STMN1: variants seen among roughly 807,000 people sequenced by gnomAD.
The protein encoded by STMN1 is stathmin.
Under a neutral mutation model 19.7 loss-of-function variants are expected in STMN1, and 3 were observed. The observed-to-expected ratio is 0.15, with a 90% confidence interval of 0.07 to 0.39. The LOEUF (loss-of-function observed/expected upper bound fraction) is 0.39. STMN1 is among the 10% of genes least tolerant of loss of function. The pLI is 1.00. For synonymous variants in STMN1, 59 were observed against 58.9 expected, an observed-to-expected ratio of 1.00 and a Z score of -0.01; for missense variants, 99 against 176.0, an observed-to-expected ratio of 0.56 and a Z score of 2.48.
At chr1:25,901,377 C>A in intron 4 of STMN1, 114 bp downstream of exon 4, 1 of 1,337,448 alleles carries the variant, frequency 7.5e-7, no homozygotes, top group Non-Finnish European at 1.0e-6. Flanking sequence ...ATGTTAAGCC[C>A]CAAAATGGAT....
At chr1:25,891,890 A>G (rs2048779163) in intron 4 of STMN1, among the ~76,000 whole-genome samples, 1 of 152,156 alleles carries the variant, frequency 6.6e-6, no homozygotes, top group African/African-American at 2.4e-5. Flanking sequence ...GGGAGGGGCC[A>G]GCCCTGTGCT....
downstream of STMN1, among the ~76,000 whole-genome samples, chr1:25,896,932 A>G (rs982050139): frequency 9.9e-5 from 15 of 152,168 alleles, no homozygotes; most frequent in African/African-American, 3.1e-4. Context: ...CTGCAATCCA[A>G]CCCTGTAGAG....
downstream of STMN1, among the ~76,000 whole-genome samples, chr1:25,898,710 C>G (rs1380135993): frequency 6.6e-6 from 1 of 152,214 alleles, no homozygotes; most frequent in Non-Finnish European, 1.5e-5. Flanking sequence ...GGTGACAGCC[C>G]CAACTGCTTG....
chr1:25,895,563 G>A (rs1333294044), downstream of STMN1, among the ~76,000 whole-genome samples: 3 of 152,204 alleles, frequency 2.0e-5, no homozygotes, highest in African/African-American at 7.2e-5. Flanking sequence ...GAGAGCTGCA[G>A]AACACAAGTC....
rs1225152340 is a variant in STMN1 at position 25,906,108 on chromosome 1, C to T, written c.-63+281G>A. 6.6e-6 allele frequency: 1 copy of T among 152,216 alleles called. No individual in the cohort carries two copies. Among genetic ancestry groups the T allele is most frequent in the South Asian group, 2.1e-4 (1 of 4,830 alleles). 9.4% of individuals were successfully genotyped at this position (152,216 alleles called of 1,614,324 possible). A position where few individuals can be genotyped will look rare whatever the true frequency, so the allele number is the denominator to read the frequency against. On this transcript the variant is annotated intron_variant, in intron 1 of 4. Coordinates refer to ENST00000455785, the MANE Select transcript of STMN1 (RefSeq NM_005563.4). This position sits in a 1 kb window ranked among gnomAD's most constrained non-coding sequence, Gnocchi z 4.5. The stretch of plus-strand genomic sequence containing the variant: ...GAGGGAGGTAAACGAGGGCCCACGC[C>T]CCCTATTGTCTCCTCGACGGCACCC...
chr1:25,885,345 T>C (rs781095853), downstream of STMN1: 30 of 161,304 alleles, frequency 1.9e-4, no homozygotes, highest in Admixed American at 9.7e-4. Context: ...CTCCCTTGTG[T>C]AGGGTCCTTC....
downstream of STMN1, among the ~76,000 whole-genome samples, chr1:25,896,474 A>G (rs543485531): frequency 6.6e-6 from 1 of 152,048 alleles, no homozygotes; most frequent in Non-Finnish European, 1.5e-5. Flanking sequence ...GATGGCTGCT[A>G]TGAGGTAGCT....
intron 4 of STMN1, among the ~76,000 whole-genome samples, chr1:25,890,773 C>T (rs1040854732): frequency 1.3e-5 from 2 of 152,090 alleles, no homozygotes; most frequent in South Asian, 2.1e-4. Context: ...TCCTGCTAGG[C>T]GAGCGTATCC....
At chr1:25,901,849 A>C in intron 3 of STMN1, 167 bp from the exon 4 acceptor site, 1 of 495,348 alleles carries the variant, frequency 2.0e-6, no homozygotes, top group South Asian at 4.5e-5. Flanking sequence ...ACCTATACTA[A>C]AAATACAAAA....
downstream of STMN1, among the ~76,000 whole-genome samples, chr1:25,899,831 A>G (rs900273554): frequency 1.3e-5 from 2 of 152,200 alleles, no homozygotes; most frequent in Admixed American, 6.5e-5. Flanking sequence ...CGTTAGCAAC[A>G]CATGGACCCC....
chr1:25,890,371 T>G lies in STMN1; in HGVS notation c.379-4502A>C, dbSNP rs759023362. ...CAGGCCTTCTGAAAGGTCAGAGGGC[T>G]CTGCAAAGCTCCAGGAGAGAACAGC... On this transcript the variant is annotated intron_variant, in intron 4 of 4. Transcript: ENST00000426559. 3.4e-4 allele frequency among the ~76,000 whole-genome samples: 52 copies of G among 152,144 alleles called. 1 individual carries two copies. The highest frequency in any genetic ancestry group is 7.1e-4 in the Non-Finnish European group (48 of 68,020).
At chr1:25,901,216 G>T in intron 4 of STMN1, 129 bp from the exon 5 acceptor site, 1 of 1,468,522 alleles carries the variant, frequency 6.8e-7, no homozygotes, top group East Asian at 2.4e-5. Flanking sequence ...ACAGCCTGTG[G>T]GAACCACACA....
downstream of STMN1, among the ~76,000 whole-genome samples, chr1:25,899,602 G>A (rs867380220): frequency 2.0e-5 from 3 of 152,114 alleles, no homozygotes; most frequent in African/African-American, 7.2e-5. Context: ...TCCAACTCAA[G>A]AGTATAAACT....
downstream of STMN1, among the ~76,000 whole-genome samples, chr1:25,898,354 A>G (rs888468179): frequency 6.6e-5 from 10 of 152,226 alleles, no homozygotes; most frequent in Non-Finnish European, 1.0e-4. Flanking sequence ...CAGACCACAA[A>G]GCCCTCTGTG....
chr1:25,885,223 G>C (rs1175231041), downstream of STMN1: 1 of 153,866 alleles, frequency 6.5e-6, no homozygotes, highest in African/African-American at 2.4e-5. Flanking sequence ...ACTCCCACCA[G>C]GGACCTTGCC....
chr1:25,896,053 T>C (rs2048815972), downstream of STMN1, among the ~76,000 whole-genome samples: 1 of 152,242 alleles, frequency 6.6e-6, no homozygotes, highest in South Asian at 2.1e-4. Context: ...TCAGGGACCC[T>C]GTGTTCTAGC....
At chr1:25,897,460 C>T (rs2048829312), downstream of STMN1, among the ~76,000 whole-genome samples, 1 of 152,098 alleles carries the variant, frequency 6.6e-6, no homozygotes, top group Non-Finnish European at 1.5e-5. Context: ...ACAGCTAAAA[C>T]ATCACTGAAA....
At position 25,900,778 on chromosome 1, in the gene STMN1, A is replaced by C; in HGVS notation, c.*238T>G. The C allele has an allele frequency of 7.5e-7, 1 of 1,329,306 alleles. No individual in the cohort carries two copies. The highest frequency in any genetic ancestry group is 1.5e-5 in the African/African-American group (1 of 67,356). 82.3% of individuals were successfully genotyped at this position (1,329,306 alleles called of 1,614,324 possible). On this transcript the variant is annotated 3_prime_UTR_variant, in exon 5 of 5. Coordinates refer to ENST00000455785, the MANE Select transcript of STMN1 (RefSeq NM_005563.4). ...AAGTGTACTGAAGTAGAAAAGATGC[A>C]ACAAGAAAAATAGCTACATTAGAAA...
chr1:25,885,006 T>A, downstream of STMN1: 1 of 153,900 alleles, frequency 6.5e-6, no homozygotes. Context: ...GTGAAGTCTG[T>A]AAGTGGTTGT....
Sources: allele counts gnomAD v4.1 joint callset (sites outside exome capture counted in the v4.1 genomes callset), GRCh38; gene constraint gnomAD v4.1.1; non-coding constraint Gnocchi (gnomAD v3.1); transcripts MANE v1.5; gene names NCBI Gene and HGNC (gene_info 2026-07-23, HGNC 2026-07-21).